The following GBF1 variants were observed in gnomAD, a reference collection of about 807,000 sequenced individuals.
GBF1 encodes golgi brefeldin A resistant guanine nucleotide exchange factor 1, also known as Golgi-specific brefeldin A-resistance guanine nucleotide exchange factor 1.
A neutral mutation model predicts 210.5 loss-of-function variants in GBF1; 114 were observed. The ratio of observed to expected loss-of-function variants is 0.54; its 90% confidence interval spans 0.47 to 0.63. GBF1 has a LOEUF of 0.63. Ranked by LOEUF, GBF1 falls within the 30% of genes least tolerant of loss-of-function variation. The probability of loss-of-function intolerance (pLI) is 0.00; values close to 1 mark genes in which losing one functional copy is unlikely to be tolerated. For missense variants in GBF1, 1,851 were observed against 2,357.7 expected, an observed-to-expected ratio of 0.79 and a Z score of 4.45; for synonymous variants, 850 against 889.2, an observed-to-expected ratio of 0.96 and a Z score of 0.78.
intron 3 of GBF1, among the ~76,000 whole-genome samples, chr10:102,273,111 G>A (rs923940287): frequency 1.3e-5 from 2 of 152,184 alleles, no homozygotes; most frequent in Non-Finnish European, 2.9e-5. Context: ...GGGAGGCTGA[G>A]ATGGGTGCAT....
chr10:102,352,718 G>C (rs1186394128), intron 7 of GBF1, among the ~76,000 whole-genome samples, 200 bp downstream of exon 7: 1 of 152,158 alleles, frequency 6.6e-6, no homozygotes, highest in Non-Finnish European at 1.5e-5. Flanking sequence ...CTCACGGGGA[G>C]GCAGAGGGTT....
intron 10 of GBF1, 126 bp downstream of exon 10, chr10:102,358,855 C>T: frequency 1.5e-6 from 1 of 646,864 alleles, no homozygotes. Flanking sequence ...AAGCTCTGAT[C>T]TTTCCTGCTT....
chr10:102,231,563 C>A, the GBF1 span: 1 of 1,486,406 alleles, frequency 6.7e-7, no homozygotes, highest in Non-Finnish European at 9.2e-7. Context: ...CGCGCGGGTG[C>A]GAGTCGCGGG....
chr10:102,351,966 AT>A lies in GBF1; in HGVS notation c.523+17del. On this transcript the variant is annotated intron_variant, in intron 6 of 39. Transcript: ENST00000369983. ...GAGGCTCAGTGGTAGGTGCTTGGAT[AT>A]TAGCCCCTTCACCATTCCTGGGGCC... The A allele has an allele frequency of 7.5e-7, 1 of 1,332,732 alleles. No individual in the cohort carries two copies. Among genetic ancestry groups the A allele is most frequent in the Non-Finnish European group, 1.1e-6 (1 of 922,838 alleles). 82.6% of individuals were successfully genotyped at this position (1,332,732 alleles called of 1,614,324 possible).
intron 3 of GBF1, among the ~76,000 whole-genome samples, chr10:102,319,221 A>C (rs2056153065): frequency 6.6e-6 from 1 of 152,102 alleles, no homozygotes. Context: ...TCGAGAGGCT[A>C]AGGCAGGAGA....
intron 3 of GBF1, among the ~76,000 whole-genome samples, chr10:102,342,717 G>A (rs2058284867): frequency 6.6e-6 from 1 of 152,030 alleles, no homozygotes; most frequent in African/African-American, 2.4e-5. Flanking sequence ...TAAAGGTGGG[G>A]CAGCCTAGAT....
At chr10:102,230,715 G>C in the GBF1 span, 1 of 1,547,362 alleles carries the variant, frequency 6.5e-7, no homozygotes, top group Middle Eastern at 1.8e-4. Context: ...CATAAGGGCA[G>C]GACACGGCCC....
chr10:102,351,916 C>T lies in GBF1; in HGVS notation c.488C>T (p.Ser163Phe). The T allele has an allele frequency of 6.2e-7, 1 of 1,610,178 alleles. No individual in the cohort carries two copies. Among genetic ancestry groups the T allele is most frequent in the East Asian group, 2.2e-5 (1 of 44,862 alleles). The part of the protein sequence containing the change: ...TNESVCEIMQ[S>F]CFRICFEMRL... Reference sequence around the variant, plus strand: ...GAATCTGTGTGTGAGATTATGCAGTCTTGCTTCCGGATCTGCTTTGAAATG... The same window carrying T: ...GAATCTGTGTGTGAGATTATGCAGTTTTGCTTCCGGATCTGCTTTGAAATG... The change falls in exon 6 of 40, where the codon TCT (serine) becomes TTT (phenylalanine). Residue 163 changes from serine (S) to phenylalanine (F), a missense_variant. This residue lies in a region of GBF1 where 804 missense variants were observed against 958.6 expected (regional missense o/e 0.84). Transcript: ENST00000369983.
Position 102,379,903 on chromosome 10 carries a change from T to C in GBF1, c.4827T>C (p.Asp1609=), listed in dbSNP as rs2060732884. The change falls in exon 36 of 40, where the codon GAT becomes GAC. Residue 1609 remains aspartate (D), a synonymous_variant. Coordinates refer to ENST00000369983, the MANE Select transcript of GBF1 (RefSeq NM_001377137.1). ...TKLLENISPA[D]VGGMEETRMR... ...TCTTGGAGAACATCAGCCCTGCAGATGTGGGTGGGATGGAGGAGACCCGGA... is the reference window on the plus strand; with the variant it reads ...TCTTGGAGAACATCAGCCCTGCAGACGTGGGTGGGATGGAGGAGACCCGGA... 1 of 1,613,944 alleles carries C rather than the reference T, an allele frequency of 6.2e-7. No homozygotes were observed. Among genetic ancestry groups the C allele is most frequent in the Non-Finnish European group, 8.5e-7 (1 of 1,179,862 alleles).
In GBF1 at chr10:102,280,122, T is replaced by TA. The variant is rs199748528; in HGVS notation, c.163+20015dup. ...CTGGGTGACAGAGGAGTCCCTGTCTTAAAAAAAAAGAGAGAGAGAGAGAGA... is the reference window on the plus strand; with the variant it reads ...CTGGGTGACAGAGGAGTCCCTGTCTTAAAAAAAAAAGAGAGAGAGAGAGAGA... On this transcript the variant is annotated intron_variant, in intron 3 of 39. Coordinates refer to ENST00000369983, the MANE Select transcript of GBF1 (RefSeq NM_001377137.1). Among the ~76,000 whole-genome samples, 1,414 of 142,154 alleles carry TA rather than the reference T, an allele frequency of 9.9e-3. 19 individuals are homozygous for TA. The highest frequency in any genetic ancestry group is 0.034 in the African/African-American group (1,294 of 38,164). The allele number at this position is 142,154 out of a possible 152,430, so 93.3% of individuals were successfully genotyped here. A position where few individuals can be genotyped will look rare whatever the true frequency, so the allele number is the denominator to read the frequency against.
chr10:102,294,467 C>A (rs1046737820), intron 3 of GBF1, among the ~76,000 whole-genome samples: 1 of 150,792 alleles, frequency 6.6e-6, no homozygotes, highest in Non-Finnish European at 1.5e-5. Flanking sequence ...CTGCAACCTT[C>A]GCCTCCTGGG....
chr10:102,357,984 AT>A (rs1370835970), intron 8 of GBF1, 54 bp from the exon 9 acceptor site: 3 of 1,201,412 alleles, frequency 2.5e-6, no homozygotes, highest in East Asian at 4.6e-5. Context: ...AGGGAGATTA[AT>A]AGGGATAGAG....
intron 3 of GBF1, among the ~76,000 whole-genome samples, chr10:102,335,184 C>T (rs2057638063): frequency 6.6e-6 from 1 of 152,236 alleles, no homozygotes; most frequent in Admixed American, 6.5e-5. Flanking sequence ...TGGAAGGATC[C>T]GAAGTGTTTT....
intron 23 of GBF1, 111 bp downstream of exon 23, chr10:102,368,943 G>A (rs2060058568): frequency 1.4e-6 from 1 of 729,248 alleles, no homozygotes; most frequent in Non-Finnish European, 2.4e-6. Flanking sequence ...TTCCCTCACT[G>A]CCCCCACTTG....
At chr10:102,369,100 G>A in intron 23 of GBF1, 111 bp from the exon 24 acceptor site, 2 of 810,324 alleles carry the variant, frequency 2.5e-6, no homozygotes, top group Non-Finnish European at 4.1e-6. Flanking sequence ...ATGGGGGATT[G>A]AAGCAGAGCC....
rs1320894030 is a variant in GBF1, at chr10:102,382,435, A to G, written c.*99A>G. The G allele has an allele frequency of 1.9e-6, 2 of 1,076,168 alleles. No homozygotes were observed. Among genetic ancestry groups the G allele is most frequent in the Non-Finnish European group, 2.7e-6 (2 of 749,530 alleles). The allele number at this position is 1,076,168 out of a possible 1,614,324, so 66.7% of individuals were successfully genotyped here. On this transcript the variant is annotated 3_prime_UTR_variant, in exon 40 of 40. Transcript: ENST00000369983. Reference sequence around the variant, plus strand: ...GGCCACAAGCTCTTCAGGCCAAGTCAGAGCTGCTGTTGCTGCCACTTGGAT... The same window carrying G: ...GGCCACAAGCTCTTCAGGCCAAGTCGGAGCTGCTGTTGCTGCCACTTGGAT...
At chr10:102,331,720 G>A (rs983892819) in intron 3 of GBF1, among the ~76,000 whole-genome samples, 4 of 151,886 alleles carry the variant, frequency 2.6e-5, no homozygotes, top group Admixed American at 6.6e-5. Context: ...TCACTCTGTC[G>A]CCCAGACTGG....
chr10:102,284,078 T>G (rs2075738186), intron 3 of GBF1, among the ~76,000 whole-genome samples: 1 of 134,990 alleles, frequency 7.4e-6, no homozygotes, highest in South Asian at 2.3e-4. Context: ...AGTGACCCTT[T>G]GCACTATGGA....
chr10:102,312,617 G>A (rs540937169), intron 3 of GBF1, among the ~76,000 whole-genome samples: 1 of 152,188 alleles, frequency 6.6e-6, no homozygotes, highest in South Asian at 2.1e-4. Context: ...CAGGTTAAAA[G>A]ATCTTAGTTA....
Sources: allele counts gnomAD v4.1 joint callset (sites outside exome capture counted in the v4.1 genomes callset), GRCh38; gene constraint gnomAD v4.1.1; regional missense constraint gnomAD v4.1.1; transcripts MANE v1.5; gene names NCBI Gene and HGNC (gene_info 2026-07-23, HGNC 2026-07-21).